Variants in ADRA1B observed in about 807,000 individuals in gnomAD.
The protein encoded by ADRA1B is adrenoceptor alpha 1B.
ADRA1B carries 17 observed loss-of-function variants against 17.9 expected under a neutral mutation model. That is an observed-to-expected ratio of 0.95 (90% CI 0.65 to 1.42). The LOEUF (loss-of-function observed/expected upper bound fraction) is 1.42, where lower values mean the gene tolerates loss of function less well. Among genes scored for constraint, ADRA1B ranks in the 40% most tolerant of loss-of-function variants. The probability of loss-of-function intolerance (pLI) is 0.00; values close to 1 mark genes in which losing one functional copy is unlikely to be tolerated. For missense variants in ADRA1B, 681 were observed against 722.1 expected (o/e 0.94, Z 0.65); for synonymous variants, 366 against 327.6 (o/e 1.12, Z -1.27).
chr5:159,891,692 T>G (rs1214726274), intron 1 of ADRA1B, among the ~76,000 whole-genome samples: 2 of 152,160 alleles, frequency 1.3e-5, no homozygotes, highest in African/African-American at 4.8e-5. Flanking sequence ...CATAACACCC[T>G]CCTGCAGCCC....
rs574519657 is a variant in ADRA1B, at chr5:159,925,038, CAG to C, written c.949+7190_949+7191del. On this transcript the variant is annotated intron_variant, in intron 1 of 1. Transcript: ENST00000306675. ...TTTTACAGATGAGGAAACAGAAGCT[CAG>C]AGAGATTGAGTGATTTGCCTCAGGT... 3.8e-3 allele frequency among the ~76,000 whole-genome samples: 586 copies of C among 152,238 alleles called. 3 individuals are homozygous for C. Among genetic ancestry groups the C allele is most frequent in the Non-Finnish European group, 6.5e-3 (444 of 68,016 alleles).
chr5:159,891,882 C>T (rs1753987097), intron 1 of ADRA1B, among the ~76,000 whole-genome samples: 1 of 152,154 alleles, frequency 6.6e-6, no homozygotes, highest in Non-Finnish European at 1.5e-5. Context: ...TAACTCGCAC[C>T]TGTCAAAAAG....
At chr5:159,868,874 G>C (rs1308900110) in intron 1 of ADRA1B, 2 of 152,152 alleles carry the variant, frequency 1.3e-5, no homozygotes, top group African/African-American at 4.8e-5. Context: ...AACCCATCAG[G>C]TTCATGGGAG....
chr5:159,980,244 T>C, the ADRA1B span, among the ~76,000 whole-genome samples: 25 of 152,180 alleles, frequency 1.6e-4, no homozygotes, highest in East Asian at 4.4e-3. Context: ...AGAGTTTCCA[T>C]GTCCATAGAG....
chr5:159,936,846 G>A (rs552011059), intron 1 of ADRA1B, among the ~76,000 whole-genome samples: 23 of 152,186 alleles, frequency 1.5e-4, no homozygotes, highest in Admixed American at 9.2e-4. Flanking sequence ...CTGCTTCTCT[G>A]ACTCACCCCA....
chr5:159,873,636 G>T lies in ADRA1B; in HGVS notation c.-256+8430G>T, dbSNP rs116734347. On this transcript the variant is annotated intron_variant, in intron 1 of 2. Coordinates refer to the ADRA1B transcript ENST00000641205. ...ATGACAGCCTATGACAGGACTTTTC[G>T]TTGTTATTGTGCTCATCTCAGAGCC... 8.5e-3 allele frequency among the ~76,000 whole-genome samples: 1,287 copies of T among 152,204 alleles called. 19 individuals are homozygous for T. Among genetic ancestry groups the T allele is most frequent in the African/African-American group, 0.029 (1,197 of 41,516 alleles).
intron 1 of ADRA1B, among the ~76,000 whole-genome samples, chr5:159,905,135 T>A (rs1468270308): frequency 2.0e-5 from 3 of 152,284 alleles, no homozygotes; most frequent in Admixed American, 2.0e-4. Flanking sequence ...TTAGAAAAGG[T>A]CAGATTTGGG....
intron 1 of ADRA1B, among the ~76,000 whole-genome samples, chr5:159,906,703 G>C (rs1754165763): frequency 6.6e-6 from 1 of 152,154 alleles, no homozygotes; most frequent in Non-Finnish European, 1.5e-5. Context: ...GACCAAGAAG[G>C]GGAAAAGTGA....
chr5:159,866,952 A>G (rs543667025), intron 1 of ADRA1B: 1 of 152,284 alleles, frequency 6.6e-6, no homozygotes, highest in East Asian at 1.9e-4. Context: ...ACTGAGAGAG[A>G]TTTCTCAGCA....
At chr5:159,959,118 A>G (rs559393743) in intron 1 of ADRA1B, among the ~76,000 whole-genome samples, 9 of 152,214 alleles carry the variant, frequency 5.9e-5, no homozygotes, top group Non-Finnish European at 1.3e-4. Context: ...TACAGTTCCC[A>G]AAGAGTTAAG....
chr5:159,908,869 T>C (rs1561587298), intron 1 of ADRA1B, among the ~76,000 whole-genome samples: 1 of 152,178 alleles, frequency 6.6e-6, no homozygotes. Flanking sequence ...GGGAAATATT[T>C]GGGGCCCTCC....
At chr5:159,941,829 AG>A (rs1755134579) in intron 1 of ADRA1B, among the ~76,000 whole-genome samples, 1 of 152,150 alleles carries the variant, frequency 6.6e-6, no homozygotes. Context: ...TGTCCAAAAT[AG>A]GCAAATGCAC....
downstream of ADRA1B, among the ~76,000 whole-genome samples, chr5:159,975,243 C>G (rs1215541220): frequency 6.6e-6 from 1 of 152,206 alleles, no homozygotes; most frequent in Non-Finnish European, 1.5e-5. Context: ...CCTCCTCTTC[C>G]TGAGACACTT....
intron 1 of ADRA1B, among the ~76,000 whole-genome samples, chr5:159,909,174 C>T (rs1754198144): frequency 2.0e-5 from 3 of 152,286 alleles, no homozygotes; most frequent in South Asian, 4.1e-4. Context: ...CTCTTTCTCA[C>T]GCTGCTCCCC....
chr5:159,963,362 T>C (rs909834056), intron 1 of ADRA1B, among the ~76,000 whole-genome samples: 1 of 151,448 alleles, frequency 6.6e-6, no homozygotes, highest in African/African-American at 2.4e-5. Context: ...ATTGTGGTGA[T>C]TAAGAGCCTC....
chr5:159,950,431 C>T lies in ADRA1B; in HGVS notation c.950-21448C>T, dbSNP rs372780820. On this transcript the variant is annotated intron_variant, in intron 1 of 1. Coordinates refer to ENST00000306675, the MANE Select transcript of ADRA1B (RefSeq NM_000679.4). ...GGGGGACTGTGTGTGGCAGGGACTC[C>T]CCATCAGTGAGGGCTTCTCGCTTCC... is the stretch of plus-strand genomic sequence containing the variant. 6.3e-5 allele frequency: 52 copies of T among 824,398 alleles called. 1 individual carries two copies. The highest frequency in any genetic ancestry group is 2.8e-4 in the African/African-American group (17 of 60,364). 51.1% of individuals were successfully genotyped at this position (824,398 alleles called of 1,614,324 possible).
chr5:159,967,946 A>C (rs1375958411), intron 1 of ADRA1B, among the ~76,000 whole-genome samples: 2 of 152,060 alleles, frequency 1.3e-5, no homozygotes, highest in African/African-American at 4.8e-5. Context: ...CAACCAAAAA[A>C]CGTATGCCGC....
intron 1 of ADRA1B, among the ~76,000 whole-genome samples, chr5:159,946,621 G>A (rs972683164): frequency 6.6e-6 from 1 of 152,154 alleles, no homozygotes; most frequent in Non-Finnish European, 1.5e-5. Context: ...CATGCCTTCT[G>A]CAATCAGAGA....
chr5:159,916,832 G>A lies in ADRA1B; in HGVS notation c.-74G>A. 2 of 1,429,236 alleles carry A rather than the reference G, an allele frequency of 1.4e-6. No homozygotes were observed. The highest frequency in any genetic ancestry group is 1.9e-6 in the Non-Finnish European group (2 of 1,056,246). The allele number at this position is 1,429,236 out of a possible 1,614,324, so 88.5% of individuals were successfully genotyped here. A position where few individuals can be genotyped will look rare whatever the true frequency, so the allele number is the denominator to read the frequency against. ...AGACCACGGGGGAAGCAAAGTTTCAGGGCAGCTGAGGAGCCTTCGCCGCAG... is the reference window on the plus strand; with the variant it reads ...AGACCACGGGGGAAGCAAAGTTTCAAGGCAGCTGAGGAGCCTTCGCCGCAG... On this transcript the variant is annotated 5_prime_UTR_variant, in exon 1 of 2. Transcript: ENST00000306675.
Sources: allele counts gnomAD v4.1 joint callset (sites outside exome capture counted in the v4.1 genomes callset), GRCh38; gene constraint gnomAD v4.1.1; transcripts MANE v1.5; gene names NCBI Gene and HGNC (gene_info 2026-07-23, HGNC 2026-07-21).